R3HDM2: variants seen among roughly 807,000 people sequenced by gnomAD.
The protein encoded by R3HDM2 is R3H domain-containing protein 2.
Under a neutral mutation model 124.5 loss-of-function variants are expected in R3HDM2, and 38 were observed. That is an observed-to-expected ratio of 0.31 (90% CI 0.24 to 0.40). The LOEUF (loss-of-function observed/expected upper bound fraction) is 0.40, where lower values mean the gene tolerates loss of function less well. Among genes scored for constraint, R3HDM2 ranks in the 10% least tolerant of loss-of-function variants. R3HDM2 has a pLI of 1.00. For synonymous variants in R3HDM2, 391 were observed against 448.0 expected, an observed-to-expected ratio of 0.87 and a Z score of 1.61; for missense variants, 869 against 1,236.9, an observed-to-expected ratio of 0.70 and a Z score of 4.46.
At chr12:57,278,002 AG>A (rs891795253) in intron 14 of R3HDM2, among the ~76,000 whole-genome samples, 3 of 152,186 alleles carry the variant, frequency 2.0e-5, no homozygotes, top group African/African-American at 7.2e-5. Context: ...GAAAAAGTGG[AG>A]AGGGAGAAAA....
At chr12:57,363,930 T>G (rs2062271623) in intron 2 of R3HDM2, among the ~76,000 whole-genome samples, 1 of 151,732 alleles carries the variant, frequency 6.6e-6, no homozygotes, top group South Asian at 2.1e-4. Flanking sequence ...CCTAAGCCAC[T>G]AATGTTTTGC....
At chr12:57,421,131 G>A (rs929491547) in intron 1 of R3HDM2, among the ~76,000 whole-genome samples, 11 of 149,510 alleles carry the variant, frequency 7.4e-5, no homozygotes, top group African/African-American at 1.2e-4. Flanking sequence ...TGTCAATCAC[G>A]CATGTACACA....
At position 57,258,065 on chromosome 12, in the gene R3HDM2, G is replaced by A. The variant is rs1285299819; in HGVS notation, c.2374C>T (p.Leu792Phe). Residue 792 changes from leucine (L) to phenylalanine (F), a missense_variant, in exon 21 of 24, where the codon CTC (leucine) becomes TTC (phenylalanine). This residue lies in a region of R3HDM2 where 602 missense variants were observed against 789.2 expected (regional missense o/e 0.76). Transcript: ENST00000402412. ...QSPAPSPVTSLSSVCTGLSPL... is the reference protein window; with the variant it reads ...QSPAPSPVTSFSSVCTGLSPL... ...CTGAGTCCTGTGCAGACACTGCTGA[G>A]GCTGGTGACAGGAGAGGGTGCTGGA... is the stretch of plus-strand genomic sequence containing the variant. 1.2e-6 allele frequency: 2 copies of A among 1,604,122 alleles called. No homozygotes were observed. Among genetic ancestry groups the A allele is most frequent in the East Asian group, 2.2e-5 (1 of 44,766 alleles).
intron 2 of R3HDM2, among the ~76,000 whole-genome samples, chr12:57,364,031 A>T (rs1345142900): frequency 3.3e-5 from 5 of 151,984 alleles, no homozygotes; most frequent in Non-Finnish European, 4.4e-5. Context: ...TAGCATTTTA[A>T]TGTTATCAGA....
chr12:57,272,582 AAAGGG>A, intron 14 of R3HDM2: 1 of 831,224 alleles, frequency 1.2e-6, no homozygotes, highest in Non-Finnish European at 1.6e-6. Context: ...GGCATGTGGA[AAAGGG>A]AAGAGAAAAG....
rs1434843215 is a variant in R3HDM2, at chr12:57,269,408, G to C, written c.1629C>G (p.Ser543=). The C allele has an allele frequency of 6.2e-7, 1 of 1,614,162 alleles. No individual in the cohort carries two copies. The highest frequency in any genetic ancestry group is 1.7e-5 in the Admixed American group (1 of 60,012). ...GAGAGAGAGGTCGATATTGCTGGTTGGAGTTAGGATATTGTCCAGGGGGAT... is the reference window on the plus strand; with the variant it reads ...GAGAGAGAGGTCGATATTGCTGGTTCGAGTTAGGATATTGTCCAGGGGGAT... The part of the protein sequence containing the change: ...SYYPPGQYPN[S]NQQYRPLSHP... The change falls in exon 16 of 24, where the codon TCC becomes TCG. Residue 543 remains serine, a synonymous_variant. Coordinates refer to ENST00000402412, the MANE Select transcript of R3HDM2 (RefSeq NM_001394031.1).
chr12:57,349,904 A>AG (rs1173970632), intron 2 of R3HDM2, among the ~76,000 whole-genome samples: 1 of 149,978 alleles, frequency 6.7e-6, no homozygotes, highest in Non-Finnish European at 1.5e-5. Context: ...TGTTCCTGTA[A>AG]GTTTGTTATT....
chr12:57,351,366 A>C (rs1312757133), intron 2 of R3HDM2, among the ~76,000 whole-genome samples: 1 of 152,234 alleles, frequency 6.6e-6, no homozygotes, highest in African/African-American at 2.4e-5. Context: ...ATAAGACATA[A>C]TCTGAATTAA....
chr12:57,424,525 G>C (rs902427558), intron 1 of R3HDM2, among the ~76,000 whole-genome samples: 2 of 151,966 alleles, frequency 1.3e-5, no homozygotes. Context: ...TTTCCTCCTA[G>C]TCTTCTGTTA....
intron 1 of R3HDM2, among the ~76,000 whole-genome samples, chr12:57,396,323 C>T (rs867092866): frequency 1.3e-5 from 2 of 152,042 alleles, no homozygotes; most frequent in African/African-American, 2.4e-5. Flanking sequence ...TGCCTGTAAT[C>T]CTAGCTGCTG....
At chr12:57,363,485 T>C (rs2062193178) in intron 2 of R3HDM2, among the ~76,000 whole-genome samples, 1 of 152,164 alleles carries the variant, frequency 6.6e-6, no homozygotes, top group Admixed American at 6.6e-5. Flanking sequence ...AAACTATAGC[T>C]AGATAGGAGG....
intron 19 of R3HDM2, among the ~76,000 whole-genome samples, chr12:57,264,200 C>T (rs1255208217): frequency 1.3e-5 from 2 of 149,862 alleles, no homozygotes; most frequent in Non-Finnish European, 3.0e-5. Flanking sequence ...CGAGATCACG[C>T]CACTGCACTC....
At chr12:57,329,098 A>C (rs1335572874) in intron 2 of R3HDM2, among the ~76,000 whole-genome samples, 1 of 152,196 alleles carries the variant, frequency 6.6e-6, no homozygotes, top group Non-Finnish European at 1.5e-5. Flanking sequence ...TATATAAGCA[A>C]AGAATACTAT....
At chr12:57,328,686 G>A (rs988404861) in intron 2 of R3HDM2, among the ~76,000 whole-genome samples, 1 of 152,106 alleles carries the variant, frequency 6.6e-6, no homozygotes, top group Non-Finnish European at 1.5e-5. Context: ...CTCCAGGTAT[G>A]TGTCACTGCA....
chr12:57,416,451 C>A (rs1317585503), intron 1 of R3HDM2, among the ~76,000 whole-genome samples: 2 of 152,086 alleles, frequency 1.3e-5, no homozygotes, highest in Non-Finnish European at 2.9e-5. Context: ...CAACATTAAC[C>A]AAAATACTTG....
At chr12:57,376,758 T>C (rs1275357797) in intron 2 of R3HDM2, among the ~76,000 whole-genome samples, 1 of 152,010 alleles carries the variant, frequency 6.6e-6, no homozygotes, top group African/African-American at 2.4e-5. Context: ...GACACCAGCC[T>C]GGCCAACATG....
chr12:57,275,819 A>T (rs1242818987), intron 14 of R3HDM2, among the ~76,000 whole-genome samples: 1 of 152,248 alleles, frequency 6.6e-6, no homozygotes, highest in Non-Finnish European at 1.5e-5. Flanking sequence ...ATCAAAAAAC[A>T]GCAGATGTTG....
intron 2 of R3HDM2, among the ~76,000 whole-genome samples, chr12:57,316,582 C>CTTT (rs761496804): frequency 2.0e-4 from 20 of 100,112 alleles, no homozygotes; most frequent in African/African-American, 5.8e-4. Flanking sequence ...TGCATCCATC[C>CTTT]TTTTTTTTTT....
intron 1 of R3HDM2, among the ~76,000 whole-genome samples, chr12:57,409,617 T>A (rs987340111): frequency 1.3e-5 from 2 of 151,902 alleles, no homozygotes; most frequent in Non-Finnish European, 2.9e-5. Context: ...CACTACCTAA[T>A]TGAAGACCAA....
Sources: allele counts gnomAD v4.1 joint callset (sites outside exome capture counted in the v4.1 genomes callset), GRCh38; gene constraint gnomAD v4.1.1; regional missense constraint gnomAD v4.1.1; transcripts MANE v1.5; gene names NCBI Gene and HGNC (gene_info 2026-07-23, HGNC 2026-07-21).